The following TBC1D30 variants were observed in gnomAD, a reference collection of about 807,000 sequenced individuals.
TBC1D30 encodes the protein TBC1 domain family, member 30.
Under a neutral mutation model 63.2 loss-of-function variants are expected in TBC1D30, and 31 were observed. That is an observed-to-expected ratio of 0.49 (90% CI 0.37 to 0.66). The LOEUF (loss-of-function observed/expected upper bound fraction) is 0.66. Ranked by LOEUF, TBC1D30 falls within the 30% of genes least tolerant of loss-of-function variation. TBC1D30 has a pLI of 0.00. For missense variants in TBC1D30, 810 were observed against 953.6 expected (o/e 0.85, Z 1.98); for synonymous variants, 307 against 361.5 (o/e 0.85, Z 1.71).
chr12:64,775,210 A>G (rs1312980816), intron 1 of TBC1D30, among the ~76,000 whole-genome samples: 1 of 152,116 alleles, frequency 6.6e-6, no homozygotes, highest in African/African-American at 2.4e-5. Flanking sequence ...CTATAAAACA[A>G]CTACATAAAC....
chr12:64,797,385 T>C (rs773481456), intron 2 of TBC1D30, among the ~76,000 whole-genome samples: 4 of 152,226 alleles, frequency 2.6e-5, no homozygotes, highest in African/African-American at 7.2e-5. Flanking sequence ...GCTTAGAGTT[T>C]ATGGTCATCA....
intron 2 of TBC1D30, among the ~76,000 whole-genome samples, chr12:64,798,565 G>A (rs896366971): frequency 6.6e-5 from 10 of 152,268 alleles, no homozygotes; most frequent in South Asian, 6.2e-4. Context: ...ACAAGGACTC[G>A]TTTGAGTGGT....
chr12:64,847,559 T>C (rs1003852843), intron 8 of TBC1D30, among the ~76,000 whole-genome samples: 1 of 151,760 alleles, frequency 6.6e-6, no homozygotes, highest in Non-Finnish European at 1.5e-5. Context: ...TGTGACCCCA[T>C]AGGTTTTAGT....
At chr12:64,851,323 A>G (rs1161228439) in intron 8 of TBC1D30, among the ~76,000 whole-genome samples, 1 of 152,052 alleles carries the variant, frequency 6.6e-6, no homozygotes, top group African/African-American at 2.4e-5. Flanking sequence ...TCCTCATACC[A>G]AAACCTGGCA....
intron 4 of TBC1D30, among the ~76,000 whole-genome samples, chr12:64,831,517 G>A (rs776488177): frequency 1.3e-5 from 2 of 152,148 alleles, no homozygotes; most frequent in Non-Finnish European, 2.9e-5. Context: ...AATGACTTCA[G>A]CTCTTGAAAA....
At chr12:64,788,270 G>C (rs1369679410) in intron 2 of TBC1D30, among the ~76,000 whole-genome samples, 2 of 151,704 alleles carry the variant, frequency 1.3e-5, no homozygotes, top group Non-Finnish European at 2.9e-5. Context: ...ATAAGTATTT[G>C]ATAGTTTTCC....
chr12:64,824,853 C>G lies in TBC1D30; in HGVS notation c.-27C>G. The G allele has an allele frequency of 6.5e-7, 1 of 1,529,824 alleles. No homozygotes were observed. 94.8% of individuals were successfully genotyped at this position (1,529,824 alleles called of 1,614,324 possible). ...TAGCGGGGACCGAGACGGACGGTAG[C>G]CGTGCCAGAGCCCGGGGCGCTCTCG... is the stretch of plus-strand genomic sequence containing the variant. On this transcript the variant is annotated 5_prime_UTR_variant, in exon 1 of 12. Coordinates refer to ENST00000539867, the MANE Select transcript of TBC1D30 (RefSeq NM_015279.2).
intron 2 of TBC1D30, chr12:64,787,354 A>G: frequency 1.0e-6 from 1 of 985,324 alleles, no homozygotes; most frequent in Non-Finnish European, 1.2e-6. Flanking sequence ...CTTTATTAAC[A>G]TGCAGCATGG....
intron 7 of TBC1D30, among the ~76,000 whole-genome samples, chr12:64,842,636 T>G (rs1875977667): frequency 6.6e-6 from 1 of 152,240 alleles, no homozygotes; most frequent in Admixed American, 6.5e-5. Context: ...TTCTTGTAAT[T>G]GTCATCTTTT....
chr12:64,799,669 T>C (rs186064857), intron 2 of TBC1D30, among the ~76,000 whole-genome samples: 13 of 152,346 alleles, frequency 8.5e-5, no homozygotes, highest in East Asian at 5.8e-4. Flanking sequence ...TGTGTTTCCA[T>C]TGAGAATGTG....
intron 1 of TBC1D30, among the ~76,000 whole-genome samples, chr12:64,769,716 T>G (rs998609565): frequency 7.2e-5 from 11 of 151,876 alleles, no homozygotes; most frequent in African/African-American, 2.7e-4. Flanking sequence ...AAGACAGGGT[T>G]TCACCATGTT....
chr12:64,875,971 A>G lies in TBC1D30; in HGVS notation c.*183A>G. 1.8e-6 allele frequency: 1 copy of G among 556,028 alleles called. No homozygotes were observed. The highest frequency in any genetic ancestry group is 3.0e-6 in the Non-Finnish European group (1 of 336,312). The allele number at this position is 556,028 out of a possible 1,614,324, so 34.4% of individuals were successfully genotyped here. The stretch of plus-strand genomic sequence containing the variant: ...GGAGTTAGAACAGGGCTGTTTTCCC[A>G]GCTACTTGCTAACTGACGAAGTGGA... On this transcript the variant is annotated 3_prime_UTR_variant, in exon 12 of 12. Transcript: ENST00000539867.
rs531644012 is a variant in TBC1D30 at position 64,781,639 on chromosome 12, C to T, written c.478+353C>T. ...TGGAGGTTCTGATACGTATACCTGA[C>T]CTACCTAGAGGGCGCCGCCAGAATC... is the stretch of plus-strand genomic sequence containing the variant. On this transcript the variant is annotated intron_variant, in intron 1 of 12. Transcript: ENST00000542120. Among the ~76,000 whole-genome samples, 6 of 151,966 alleles carry T rather than the reference C, an allele frequency of 3.9e-5. No homozygotes were observed. In the East Asian group the frequency reaches 1.2e-3, roughly 29 times the overall value.
At chr12:64,782,321 A>G (rs1298277975) in intron 1 of TBC1D30, among the ~76,000 whole-genome samples, 3 of 151,350 alleles carry the variant, frequency 2.0e-5, no homozygotes, top group Admixed American at 6.6e-5. Context: ...TAGGAAAAGA[A>G]TAAATCTGTC....
At chr12:64,810,373 T>C (rs777282035) in intron 2 of TBC1D30, among the ~76,000 whole-genome samples, 2 of 152,196 alleles carry the variant, frequency 1.3e-5, no homozygotes, top group Admixed American at 6.5e-5. Context: ...CCTAGCACTT[T>C]CGGAGGATCA....
chr12:64,778,626 G>A (rs766773110), upstream of TBC1D30, among the ~76,000 whole-genome samples: 3 of 143,560 alleles, frequency 2.1e-5, no homozygotes, highest in African/African-American at 5.2e-5. Context: ...GCGTGATCTC[G>A]GCTCACTGCA....
In TBC1D30 at chr12:64,815,621, T is replaced by C. The variant is rs113461424; in HGVS notation, c.644-12214T>C. ...GGAAATAAATTCATGAAAAAACTCATAAAGCATTTAGTTTTATATGCACAT... is the reference window on the plus strand; with the variant it reads ...GGAAATAAATTCATGAAAAAACTCACAAAGCATTTAGTTTTATATGCACAT... On this transcript the variant is annotated intron_variant, in intron 2 of 12. Transcript: ENST00000542120. 6.4e-4 allele frequency among the ~76,000 whole-genome samples: 97 copies of C among 152,280 alleles called. 2 individuals are homozygous for C. The highest frequency in any genetic ancestry group is 2.2e-3 in the African/African-American group (91 of 41,570).
In TBC1D30 at chr12:64,878,269, T is replaced by C; in HGVS notation, c.*2481T>C. 3.0e-6 allele frequency: 1 copy of C among 331,924 alleles called. No individual in the cohort carries two copies. The allele number at this position is 331,924 out of a possible 1,614,324, so 20.6% of individuals were successfully genotyped here. A position where few individuals can be genotyped will look rare whatever the true frequency, so the allele number is the denominator to read the frequency against. On this transcript the variant is annotated 3_prime_UTR_variant, in exon 12 of 12. Transcript: ENST00000539867. ...GTCAATTTATGAGCCTTGCCTACTT[T>C]AGAAAATAAAGAAACCTGCAGTAGC...
chr12:64,824,040 G>T (rs1874063515), upstream of TBC1D30, among the ~76,000 whole-genome samples: 1 of 140,334 alleles, frequency 7.1e-6, no homozygotes, highest in African/African-American at 2.7e-5. Context: ...ATGGTAAATA[G>T]TCTATTGGTG....
Sources: gnomAD v4.1 joint callset for allele counts (sites outside exome capture counted in the v4.1 genomes callset) on GRCh38, gnomAD v4.1.1 for gene constraint, MANE v1.5 for transcripts, NCBI Gene and HGNC (gene_info 2026-07-23, HGNC 2026-07-21) for gene names.